The following ZNF274 variants were observed in gnomAD, a reference collection of about 807,000 sequenced individuals.
ZNF274 encodes zinc finger protein 274, also known as neurotrophin receptor-interacting factor homolog.
A neutral mutation model predicts 42.5 loss-of-function variants in ZNF274; 23 were observed. That is an observed-to-expected ratio of 0.54 (90% CI 0.39 to 0.77). The LOEUF (loss-of-function observed/expected upper bound fraction) is 0.77. ZNF274 is among the 30% of genes least tolerant of loss of function. The pLI is 0.00. For synonymous variants in ZNF274, 292 were observed against 305.4 expected (o/e 0.96, Z 0.46); for missense variants, 679 against 806.5 (o/e 0.84, Z 1.91).
At chr19:58,204,211 G>A (rs1001638007) in intron 4 of ZNF274, among the ~76,000 whole-genome samples, 1 of 152,090 alleles carries the variant, frequency 6.6e-6, no homozygotes, top group Non-Finnish European at 1.5e-5. Context: ...GCACTGCCCC[G>A]TTGCCCCATG....
intron 4 of ZNF274, among the ~76,000 whole-genome samples, chr19:58,203,964 G>A (rs1365975044): frequency 6.6e-6 from 1 of 152,248 alleles, no homozygotes. Flanking sequence ...GCGGGCACTG[G>A]CTCTGGGCAG....
rs552070778 is a variant in ZNF274 at position 58,211,922 on chromosome 19, G to A, written c.979+236G>A. 6.6e-6 allele frequency among the ~76,000 whole-genome samples: 1 copy of A among 152,288 alleles called. No homozygotes were observed. The highest frequency in any genetic ancestry group is 2.1e-4 in the South Asian group (1 of 4,824). On this transcript the variant is annotated intron_variant, in intron 7 of 7. Transcript: ENST00000617501. The surrounding 1 kb of genome is among the most constrained non-coding windows in gnomAD (Gnocchi z 4.8). ...CTATCTATCTCCTGAGGGAGTATGA[G>A]AGAACAGGAACTCGAAGAGCTCGGA...
chr19:58,185,733 G>A lies in ZNF274; in HGVS notation c.55G>A (p.Val19Ile), dbSNP rs2075689644. The A allele has an allele frequency of 6.8e-7, 1 of 1,467,134 alleles. No homozygotes were observed. Among genetic ancestry groups the A allele is most frequent in the Non-Finnish European group, 9.1e-7 (1 of 1,103,970 alleles). 90.9% of individuals were successfully genotyped at this position (1,467,134 alleles called of 1,614,324 possible). Residue 19 changes from valine (V) to isoleucine (I), a missense_variant, in exon 3 of 8, where the codon GTA becomes ATA. By Grantham distance (29) the Val-to-Ile change is conservative. This residue lies in a region of ZNF274 where 223 missense variants were observed against 216.4 expected (regional missense o/e 1.03). Coordinates refer to ENST00000617501, the MANE Select transcript of ZNF274 (RefSeq NM_133502.3). ...TTAGGAACCAGTGACCTTTGAAGAT[G>A]TAACACTGGGTTTTACCCCGGAAGA... is the stretch of plus-strand genomic sequence containing the variant. ...WSCEPVTFED[V>I]TLGFTPEEWG...
At chr19:58,190,961 TTTC>T (rs1370114581) in intron 4 of ZNF274, among the ~76,000 whole-genome samples, 1 of 152,216 alleles carries the variant, frequency 6.6e-6, no homozygotes, top group East Asian at 1.9e-4. Flanking sequence ...CTGTTTCTGA[TTTC>T]TTCGTATTTC....
chr19:58,204,101 G>C (rs1249991690), intron 4 of ZNF274, among the ~76,000 whole-genome samples: 1 of 152,198 alleles, frequency 6.6e-6, no homozygotes, highest in Non-Finnish European at 1.5e-5. Context: ...GAGAGGGGAG[G>C]GGTTGGGAGC....
intron 4 of ZNF274, among the ~76,000 whole-genome samples, chr19:58,197,100 A>T (rs1023920014): frequency 4.6e-5 from 7 of 152,220 alleles, no homozygotes; most frequent in African/African-American, 1.4e-4. Context: ...TAGCTCCCTT[A>T]TTCAGCATCA....
In ZNF274 at chr19:58,213,185, C is replaced by T. The variant is rs1267441304; in HGVS notation, c.*42C>T. 5 of 1,564,610 alleles carry T rather than the reference C, an allele frequency of 3.2e-6. No homozygotes were observed. In the Admixed American group the frequency reaches 7.6e-5, roughly 24 times the overall value. On this transcript the variant is annotated 3_prime_UTR_variant, in exon 8 of 8. Coordinates refer to ENST00000617501, the MANE Select transcript of ZNF274 (RefSeq NM_133502.3). ...AGAAACCTTGCCTTTTCAGCTTGACCCTGCAATATAACATGCACAGGCCTG... is the reference window on the plus strand; with the variant it reads ...AGAAACCTTGCCTTTTCAGCTTGACTCTGCAATATAACATGCACAGGCCTG...
chr19:58,187,080 G>A (rs1377368680), intron 4 of ZNF274, 38 bp downstream of exon 4: 2 of 1,533,914 alleles, frequency 1.3e-6, no homozygotes, highest in African/African-American at 1.4e-5. Flanking sequence ...CAGGGAAGGG[G>A]CCAACTGATG....
chr19:58,210,879 TAA>T (rs2076032388), intron 6 of ZNF274: 1 of 152,256 alleles, frequency 6.6e-6, no homozygotes, highest in South Asian at 2.1e-4. Context: ...TACACCCGGC[TAA>T]TTTTTGGTAT....
chr19:58,203,812 G>A (rs572643654), intron 4 of ZNF274, among the ~76,000 whole-genome samples: 1 of 152,334 alleles, frequency 6.6e-6, no homozygotes, highest in East Asian at 1.9e-4. Context: ...AGGTGCACAA[G>A]TGTGTCTGAT....
chr19:58,201,939 C>T (rs2075917120), intron 4 of ZNF274, among the ~76,000 whole-genome samples: 1 of 152,158 alleles, frequency 6.6e-6, no homozygotes, highest in African/African-American at 2.4e-5. Context: ...TTGGCAGATC[C>T]TCTACTTAGG....
intron 6 of ZNF274, chr19:58,210,979 G>A (rs965587565): frequency 6.6e-6 from 1 of 152,416 alleles, no homozygotes; most frequent in African/African-American, 2.4e-5. Context: ...GCCTCCCAAT[G>A]TGCTGGGATT....
At chr19:58,189,794 G>A (rs2075756660) in intron 4 of ZNF274, among the ~76,000 whole-genome samples, 1 of 152,070 alleles carries the variant, frequency 6.6e-6, no homozygotes, top group African/African-American at 2.4e-5. Context: ...TTGCATAGTT[G>A]TTCCAGATGA....
At chr19:58,185,999 G>C in intron 3 of ZNF274, 161 bp downstream of exon 3, 2 of 481,474 alleles carry the variant, frequency 4.2e-6, no homozygotes, top group South Asian at 8.7e-5. Context: ...ATCCCTCCCT[G>C]AATACCAGGG....
Position 58,185,727 on chromosome 19 carries a change from G to C in ZNF274, c.49G>C (p.Glu17Gln). Residue 17 changes from glutamate to glutamine, a missense_variant, in exon 3 of 8, where the codon GAA becomes CAA. Transcript: ENST00000617501. ...GGATTTTTAGGAACCAGTGACCTTT[G>C]AAGATGTAACACTGGGTTTTACCCC... Reference protein sequence around the residue: ...TAWSCEPVTFEDVTLGFTPEE... With the variant: ...TAWSCEPVTFQDVTLGFTPEE... 6.9e-7 allele frequency: 1 copy of C among 1,456,974 alleles called. No individual in the cohort carries two copies. The highest frequency in any genetic ancestry group is 9.1e-7 in the Non-Finnish European group (1 of 1,099,034). The allele number at this position is 1,456,974 out of a possible 1,614,324, so 90.3% of individuals were successfully genotyped here.
chr19:58,186,566 A>G lies in ZNF274; in HGVS notation c.161-381A>G, dbSNP rs569728598. ...AAAAAAAAAAAAGCCTGTCCCTTCA[A>G]ACTCTGGTTATTGTGAACCTTTCCA... On this transcript the variant is annotated intron_variant, in intron 3 of 7. Coordinates refer to ENST00000617501, the MANE Select transcript of ZNF274 (RefSeq NM_133502.3). Among the ~76,000 whole-genome samples the G allele has an allele frequency of 1.8e-4, 26 of 148,402 alleles. No individual in the cohort carries two copies. The South Asian group carries it at 5.5e-3, about 31-fold the overall frequency.
chr19:58,189,631 G>C (rs948227878), intron 4 of ZNF274, among the ~76,000 whole-genome samples: 12 of 152,110 alleles, frequency 7.9e-5, no homozygotes, highest in Admixed American at 2.6e-4. Flanking sequence ...AAAAGAAAAA[G>C]TCTTAGCTGG....
chr19:58,199,708 A>G (rs1051442844), intron 4 of ZNF274, among the ~76,000 whole-genome samples: 2 of 152,272 alleles, frequency 1.3e-5, no homozygotes, highest in East Asian at 1.9e-4. Flanking sequence ...GCGAGATTCC[A>G]TCTCAAAAAG....
chr19:58,210,760 G>GAGTGCACAAGACA (rs2076030862), intron 6 of ZNF274: 1 of 153,404 alleles, frequency 6.5e-6, no homozygotes, highest in Admixed American at 6.5e-5. Flanking sequence ...TGTTGCCCAG[G>GAGTGCACAAGACA]CTGGAGTGCA....
Sources: gnomAD v4.1 joint callset for allele counts (sites outside exome capture counted in the v4.1 genomes callset) on GRCh38, gnomAD v4.1.1 for gene constraint, gnomAD v4.1.1 regional missense constraint, Gnocchi (gnomAD v3.1) non-coding constraint, MANE v1.5 for transcripts, NCBI Gene and HGNC (gene_info 2026-07-23, HGNC 2026-07-21) for gene names.